WWOX: variants seen among roughly 807,000 people sequenced by gnomAD.
WWOX encodes WW domain containing oxidoreductase.
In WWOX, 69 loss-of-function variants were observed where a neutral mutation model predicts 46.2. That is an observed-to-expected ratio of 1.49 (90% CI 1.23 to 1.82). The LOEUF is 1.82. Ranked by LOEUF, WWOX falls within the 40% of genes most tolerant of loss-of-function variation. WWOX has a pLI of 0.00. For missense variants in WWOX, 919 were observed against 542.6 expected, an observed-to-expected ratio of 1.69 and a Z score of -6.89; for synonymous variants, 359 against 202.6, an observed-to-expected ratio of 1.77 and a Z score of -6.56.
chr16:78,322,777 C>G (rs756699789), intron 5 of WWOX, among the ~76,000 whole-genome samples: 3 of 152,156 alleles, frequency 2.0e-5, no homozygotes, highest in Non-Finnish European at 2.9e-5. Context: ...TGCAACTGTT[C>G]CACTTTGTCA....
chr16:79,120,580 T>A (rs1047445061), intron 8 of WWOX, among the ~76,000 whole-genome samples: 1 of 152,094 alleles, frequency 6.6e-6, no homozygotes, highest in Non-Finnish European at 1.5e-5. Flanking sequence ...TTGCTCACGG[T>A]GTTGGAGCCC....
At chr16:79,090,974 T>A (rs1434571579) in intron 8 of WWOX, among the ~76,000 whole-genome samples, 2 of 152,118 alleles carry the variant, frequency 1.3e-5, no homozygotes, top group Non-Finnish European at 2.9e-5. Flanking sequence ...ATTTTTGTAT[T>A]TTTTGTAGAT....
chr16:78,829,726 C>T (rs1376812285), intron 8 of WWOX, among the ~76,000 whole-genome samples: 1 of 152,128 alleles, frequency 6.6e-6, no homozygotes. Flanking sequence ...TCTTCCCCAA[C>T]CTAAGGAAAC....
At chr16:78,851,037 G>A (rs546332913) in intron 8 of WWOX, among the ~76,000 whole-genome samples, 1 of 152,174 alleles carries the variant, frequency 6.6e-6, no homozygotes, top group Non-Finnish European at 1.5e-5. Flanking sequence ...TGTATTACAT[G>A]TGAGTTATTT....
At chr16:78,436,265 C>A (rs765720838) in intron 8 of WWOX, among the ~76,000 whole-genome samples, 9 of 152,140 alleles carry the variant, frequency 5.9e-5, no homozygotes, top group Non-Finnish European at 1.2e-4. Context: ...AGGGCTTTGT[C>A]CCTGGCCCCA....
At chr16:78,795,833 G>A (rs1274103282) in intron 8 of WWOX, among the ~76,000 whole-genome samples, 2 of 152,078 alleles carry the variant, frequency 1.3e-5, no homozygotes, top group Non-Finnish European at 2.9e-5. Flanking sequence ...CTAGTAGAGT[G>A]GCTAGCGTAT....
intron 8 of WWOX, among the ~76,000 whole-genome samples, chr16:79,192,790 G>T (rs367064): frequency 0.71 from 107,824 of 151,924 alleles, 39,198 homozygotes; most frequent in Non-Finnish European, 0.8. Context: ...CACCCATCCC[G>T]TTTCACATTT....
At chr16:78,313,524 C>A (rs1438318173) in intron 5 of WWOX, among the ~76,000 whole-genome samples, 1 of 152,144 alleles carries the variant, frequency 6.6e-6, no homozygotes, top group Non-Finnish European at 1.5e-5. Flanking sequence ...TGCCACCACA[C>A]CCAGCTAATT....
At chr16:78,241,860 C>T (rs546414859) in intron 5 of WWOX, among the ~76,000 whole-genome samples, 251 of 152,338 alleles carry the variant, frequency 1.6e-3, no homozygotes, top group African/African-American at 5.8e-3. Context: ...TCCATCAAAT[C>T]AGCTGCCTCC....
chr16:78,479,281 G>C (rs955024589), intron 8 of WWOX, among the ~76,000 whole-genome samples: 8 of 152,298 alleles, frequency 5.3e-5, no homozygotes, highest in Non-Finnish European at 1.0e-4. Flanking sequence ...ATATGAATTT[G>C]TATCAGTCAA....
At chr16:78,760,988 C>T (rs867331933) in intron 8 of WWOX, among the ~76,000 whole-genome samples, 1 of 152,124 alleles carries the variant, frequency 6.6e-6, no homozygotes, top group African/African-American at 2.4e-5. Context: ...GACTTATTCA[C>T]TATCATGAGC....
intron 8 of WWOX, among the ~76,000 whole-genome samples, chr16:78,831,718 C>T (rs879666096): frequency 4.6e-5 from 7 of 152,034 alleles, no homozygotes; most frequent in East Asian, 1.9e-4. Context: ...AAGCATAATC[C>T]CTGGTATTCA....
At chr16:78,621,590 A>ACCTTTTTT (rs2046184064) in intron 8 of WWOX, among the ~76,000 whole-genome samples, 1 of 43,010 alleles carries the variant, frequency 2.3e-5, no homozygotes, top group African/African-American at 9.0e-5. Context: ...TGTTGTTCTA[A>ACCTTTTTT]TCTTTTTTTT....
chr16:78,947,483 A>G (rs2045972595), intron 8 of WWOX, among the ~76,000 whole-genome samples: 1 of 152,030 alleles, frequency 6.6e-6, no homozygotes, highest in Non-Finnish European at 1.5e-5. Context: ...CTTGCAGGGG[A>G]GGGCTGGCAA....
chr16:78,965,277 A>T (rs1206920245), intron 8 of WWOX, among the ~76,000 whole-genome samples: 1 of 152,206 alleles, frequency 6.6e-6, no homozygotes, highest in East Asian at 1.9e-4. Context: ...TTAAATCACT[A>T]GTAAAATTTG....
intron 8 of WWOX, among the ~76,000 whole-genome samples, chr16:79,070,094 C>T (rs1261168146): frequency 6.6e-6 from 1 of 152,190 alleles, no homozygotes; most frequent in African/African-American, 2.4e-5. Context: ...CAAGACTTAT[C>T]ATTCAAAGAT....
intron 8 of WWOX, among the ~76,000 whole-genome samples, chr16:78,648,477 A>G (rs760622561): frequency 6.6e-6 from 1 of 152,316 alleles, no homozygotes; most frequent in African/African-American, 2.4e-5. Flanking sequence ...AAAGATACAC[A>G]TGGACAATGG....
intron 5 of WWOX, chr16:78,267,006 C>G (rs1333792977): frequency 1.9e-5 from 3 of 153,866 alleles, no homozygotes; most frequent in Non-Finnish European, 4.3e-5. Flanking sequence ...ATAAGTCTCA[C>G]AAGATCTGAT....
intron 8 of WWOX, among the ~76,000 whole-genome samples, chr16:79,041,976 G>T (rs753869265): frequency 6.6e-6 from 1 of 152,018 alleles, no homozygotes; most frequent in Non-Finnish European, 1.5e-5. Flanking sequence ...GTTCACCCTG[G>T]TTCTGCAAAA....
Sources: gnomAD v4.1 joint callset for allele counts (sites outside exome capture counted in the v4.1 genomes callset) on GRCh38, gnomAD v4.1.1 for gene constraint, MANE v1.5 for transcripts, NCBI Gene and HGNC (gene_info 2026-07-23, HGNC 2026-07-21) for gene names.